The following MBNL2 variants were observed in gnomAD, a reference collection of about 807,000 sequenced individuals.
MBNL2 encodes muscleblind-like protein 2.
In MBNL2, 17 loss-of-function variants were observed where a neutral mutation model predicts 41.9. That is an observed-to-expected ratio of 0.41 (90% CI 0.28 to 0.61). The LOEUF (loss-of-function observed/expected upper bound fraction) is 0.61. Ranked by LOEUF, MBNL2 falls within the 20% of genes least tolerant of loss-of-function variation. The probability of loss-of-function intolerance (pLI) is 0.35; values close to 1 mark genes in which losing one functional copy is unlikely to be tolerated. For missense variants in MBNL2, 336 were observed against 505.6 expected (o/e 0.66, Z 3.22); for synonymous variants, 195 against 182.9 (o/e 1.07, Z -0.53).
At chr13:97,192,545 C>T in the MBNL2 span, among the ~76,000 whole-genome samples, 1 of 152,334 alleles carries the variant, frequency 6.6e-6, no homozygotes, top group African/African-American at 2.4e-5. Context: ...ACAGAGGGTG[C>T]CCAAGAATTA....
the MBNL2 span, among the ~76,000 whole-genome samples, chr13:97,189,491 C>T: frequency 1.4e-4 from 22 of 152,086 alleles, no homozygotes; most frequent in African/African-American, 3.1e-4. Flanking sequence ...CATTTGTGTA[C>T]GGGAGGAAAT....
chr13:97,257,605 G>A (rs2047799563), intron 1 of MBNL2, among the ~76,000 whole-genome samples: 1 of 152,178 alleles, frequency 6.6e-6, no homozygotes, highest in African/African-American at 2.4e-5. Context: ...CACCAAAGTC[G>A]ATGTCTCAAG....
intron 1 of MBNL2, among the ~76,000 whole-genome samples, chr13:97,267,343 A>T (rs2050027872): frequency 6.6e-6 from 1 of 152,246 alleles, no homozygotes; most frequent in African/African-American, 2.4e-5. Context: ...CATTTTGAAA[A>T]ATGAAGTGTC....
At chr13:97,250,211 T>G (rs2046257637) in intron 1 of MBNL2, among the ~76,000 whole-genome samples, 1 of 152,232 alleles carries the variant, frequency 6.6e-6, no homozygotes, top group Non-Finnish European at 1.5e-5. Context: ...GTTTAATCTC[T>G]TTTCCATGTT....
intron 1 of MBNL2, among the ~76,000 whole-genome samples, chr13:97,227,944 C>A (rs753875152): frequency 6.6e-6 from 1 of 152,146 alleles, no homozygotes; most frequent in Non-Finnish European, 1.5e-5. Flanking sequence ...AACAGAAAAT[C>A]CATGCGTAAT....
chr13:97,388,314 C>CATATATATATATATATATATATAT lies in MBNL2; in HGVS notation c.1049-2986_1049-2985insATATATATATATATATATATATAT, dbSNP rs34389348. ...AAAAGTTTATACATATACATACATA[C>CATATATATATATATATATATATAT]ATATATATATATATATATATATCAT... On this transcript the variant is annotated intron_variant, in intron 8 of 8. Coordinates refer to ENST00000679496, the MANE Select transcript of MBNL2 (RefSeq NM_001382683.1). 1.7e-3 allele frequency among the ~76,000 whole-genome samples: 232 copies of CATATATATATATATATATATATAT among 139,636 alleles called. 3 individuals are homozygous for CATATATATATATATATATATATAT. Among genetic ancestry groups the CATATATATATATATATATATATAT allele is most frequent in the South Asian group, 3.1e-3 (13 of 4,238 alleles). 91.6% of individuals were successfully genotyped at this position (139,636 alleles called of 152,430 possible).
intron 8 of MBNL2, among the ~76,000 whole-genome samples, chr13:97,368,047 A>C (rs2064006433): frequency 1.3e-5 from 2 of 152,160 alleles, no homozygotes; most frequent in African/African-American, 4.8e-5. Flanking sequence ...TCAAGTCTGA[A>C]GTCCTGCCTC....
chr13:97,322,488 A>G (rs2059588458), intron 2 of MBNL2, among the ~76,000 whole-genome samples: 1 of 152,216 alleles, frequency 6.6e-6, no homozygotes, highest in Admixed American at 6.5e-5. Context: ...TGTAAATTGA[A>G]TATGTCATAA....
intron 3 of MBNL2, among the ~76,000 whole-genome samples, chr13:97,340,780 A>G (rs907953429): frequency 6.6e-6 from 1 of 152,232 alleles, no homozygotes; most frequent in African/African-American, 2.4e-5. Flanking sequence ...TGCCATCATC[A>G]ATAAAACATA....
At chr13:97,248,195 C>T (rs1476454077) in intron 1 of MBNL2, among the ~76,000 whole-genome samples, 3 of 152,186 alleles carry the variant, frequency 2.0e-5, no homozygotes, top group Admixed American at 6.5e-5. Flanking sequence ...TGCAGTGGTG[C>T]GATCTCGCCT....
chr13:97,367,264 T>G (rs2063923197), intron 8 of MBNL2, among the ~76,000 whole-genome samples: 1 of 152,160 alleles, frequency 6.6e-6, no homozygotes, highest in Non-Finnish European at 1.5e-5. Flanking sequence ...TACTCTGTGG[T>G]CACAAGCTGA....
chr13:97,269,065 T>C (rs975187043), intron 1 of MBNL2, among the ~76,000 whole-genome samples: 2 of 152,108 alleles, frequency 1.3e-5, no homozygotes, highest in African/African-American at 4.8e-5. Context: ...AGGAAGTTTC[T>C]AAATGCCTGA....
the MBNL2 span, among the ~76,000 whole-genome samples, chr13:97,186,973 T>C: frequency 6.6e-6 from 1 of 152,216 alleles, no homozygotes; most frequent in South Asian, 2.1e-4. Context: ...GACTTTGTTT[T>C]GTAGGGACCC....
intron 8 of MBNL2, among the ~76,000 whole-genome samples, chr13:97,390,076 G>C (rs1188633360): frequency 6.6e-6 from 1 of 151,952 alleles, no homozygotes; most frequent in Non-Finnish European, 1.5e-5. Flanking sequence ...TACATTCCTA[G>C]GAATATTTAA....
At chr13:97,154,015 T>C in the MBNL2 span, among the ~76,000 whole-genome samples, 3 of 152,188 alleles carry the variant, frequency 2.0e-5, no homozygotes, top group African/African-American at 7.2e-5. Flanking sequence ...TGTAGTAATA[T>C]TTCTGTAGGA....
intron 8 of MBNL2, among the ~76,000 whole-genome samples, chr13:97,373,458 C>A (rs2064598873): frequency 6.7e-6 from 1 of 149,630 alleles, no homozygotes; most frequent in Non-Finnish European, 1.5e-5. Flanking sequence ...TGCACAATTT[C>A]TTTGTGTAAA....
At chr13:97,224,472 C>T (rs559349542) in intron 1 of MBNL2, among the ~76,000 whole-genome samples, 4 of 152,186 alleles carry the variant, frequency 2.6e-5, no homozygotes, top group African/African-American at 9.6e-5. Flanking sequence ...CATTGGAGTT[C>T]TCGGGAGTTC....
At chr13:97,218,443 A>AACAAAACAAAAC (rs761126259), upstream of MBNL2, among the ~76,000 whole-genome samples, 1 of 143,454 alleles carries the variant, frequency 7.0e-6, no homozygotes, top group African/African-American at 2.8e-5. Context: ...AACAAAACAA[A>AACAAAACAAAAC]AAAAAAAAAC....
intron 2 of MBNL2, among the ~76,000 whole-genome samples, chr13:97,313,928 A>G (rs977982487): frequency 6.6e-6 from 1 of 152,228 alleles, no homozygotes; most frequent in Non-Finnish European, 1.5e-5. Flanking sequence ...GACATAATGC[A>G]CTTTCTCATA....
Sources: allele counts gnomAD v4.1 joint callset (sites outside exome capture counted in the v4.1 genomes callset), GRCh38; gene constraint gnomAD v4.1.1; transcripts MANE v1.5; gene names NCBI Gene and HGNC (gene_info 2026-07-23, HGNC 2026-07-21).